The following GNAO1 variants were observed in gnomAD, a reference collection of about 807,000 sequenced individuals.
GNAO1 encodes guanine nucleotide-binding protein G(o) subunit alpha.
For synonymous variants in GNAO1, 164 were observed against 180.7 expected (o/e 0.91, Z 0.74); for missense variants, 166 against 478.7 (o/e 0.35, Z 6.10).
At chr16:56,272,833 A>C (rs1159061545) in intron 2 of GNAO1, among the ~76,000 whole-genome samples, 1 of 152,216 alleles carries the variant, frequency 6.6e-6, no homozygotes, top group African/African-American at 2.4e-5. Context: ...CCATAGGTCT[A>C]GAGAACATTC....
intron 3 of GNAO1, among the ~76,000 whole-genome samples, chr16:56,305,032 G>A (rs986494228): frequency 6.6e-6 from 1 of 152,190 alleles, no homozygotes; most frequent in African/African-American, 2.4e-5. Flanking sequence ...TGGCTGGTAT[G>A]CCCCACAGCC....
chr16:56,336,910 G>T (rs770019378), intron 6 of GNAO1, 50 bp downstream of exon 6: 2 of 1,555,070 alleles, frequency 1.3e-6, no homozygotes, highest in Non-Finnish European at 1.7e-6. Context: ...GGAGACGGCC[G>T]CAGGATAGGC....
chr16:56,209,726 G>A (rs1352748251), intron 2 of GNAO1, among the ~76,000 whole-genome samples: 1 of 151,978 alleles, frequency 6.6e-6, no homozygotes, highest in African/African-American at 2.4e-5. Context: ...CAATGGTCTT[G>A]TAATTGCTTC....
intron 2 of GNAO1, among the ~76,000 whole-genome samples, chr16:56,212,204 A>G (rs554640234): frequency 1.3e-5 from 2 of 152,352 alleles, no homozygotes; most frequent in South Asian, 4.1e-4. Flanking sequence ...ACTTGGAGGG[A>G]CATTTACAAA....
At chr16:56,226,926 C>G (rs1468714404) in intron 2 of GNAO1, among the ~76,000 whole-genome samples, 4 of 152,204 alleles carry the variant, frequency 2.6e-5, no homozygotes, top group African/African-American at 9.7e-5. Context: ...CTTGATGCTA[C>G]ATTTTTGGGA....
intron 4 of GNAO1, among the ~76,000 whole-genome samples, chr16:56,334,099 C>T (rs1023521654): frequency 5.3e-5 from 8 of 152,230 alleles, no homozygotes; most frequent in Non-Finnish European, 7.3e-5. Context: ...TTCCAAAGAC[C>T]GGGTCCCAGG....
chr16:56,245,658 GA>G (rs1453438880), intron 2 of GNAO1: 2 of 154,746 alleles, frequency 1.3e-5, no homozygotes, highest in Non-Finnish European at 2.9e-5. Flanking sequence ...TGAATAGAAA[GA>G]GAGCAATTCT....
At chr16:56,286,506 G>T (rs1169686448) in intron 3 of GNAO1, among the ~76,000 whole-genome samples, 1 of 152,146 alleles carries the variant, frequency 6.6e-6, no homozygotes, top group Non-Finnish European at 1.5e-5. Context: ...CTGCCGCACT[G>T]TGTGGTTTTC....
At chr16:56,205,922 A>G (rs530041245) in intron 2 of GNAO1, among the ~76,000 whole-genome samples, 4 of 152,294 alleles carry the variant, frequency 2.6e-5, no homozygotes, top group African/African-American at 9.6e-5. Context: ...AGATCTGAGG[A>G]AGAGGGAACA....
intron 2 of GNAO1, among the ~76,000 whole-genome samples, chr16:56,229,732 A>G (rs1009674187): frequency 5.9e-5 from 9 of 152,236 alleles, no homozygotes; most frequent in Non-Finnish European, 1.2e-4. Context: ...TTAAAAAACA[A>G]AACAAAAATG....
chr16:56,235,044 C>CA (rs2036624228), intron 2 of GNAO1: 2 of 313,178 alleles, frequency 6.4e-6, no homozygotes, highest in Non-Finnish European at 1.3e-5. Flanking sequence ...GGTGCTGCGG[C>CA]ACTTGAGTTC....
intron 2 of GNAO1, among the ~76,000 whole-genome samples, chr16:56,196,563 C>G (rs2036235407): frequency 6.6e-6 from 1 of 152,170 alleles, no homozygotes; most frequent in African/African-American, 2.4e-5. Flanking sequence ...GACCATGTAC[C>G]TGGTGAAAAT....
intron 3 of GNAO1, among the ~76,000 whole-genome samples, chr16:56,309,388 G>A (rs1419088838): frequency 6.6e-6 from 1 of 152,168 alleles, no homozygotes; most frequent in African/African-American, 2.4e-5. Flanking sequence ...CATGTTGCCA[G>A]CTCTCCCACC....
chr16:56,266,881 TAAAC>T (rs1330929873), intron 2 of GNAO1, among the ~76,000 whole-genome samples: 1 of 152,100 alleles, frequency 6.6e-6, no homozygotes, highest in Non-Finnish European at 1.5e-5. Flanking sequence ...AGGGAATGAA[TAAAC>T]AAAGGAAAGA....
chr16:56,343,989 C>G, intron 6 of GNAO1: 1 of 1,603,394 alleles, frequency 6.2e-7, no homozygotes, highest in Non-Finnish European at 8.5e-7. Context: ...CCTGCCTGGC[C>G]TGCCGCCCCC....
intron 3 of GNAO1, chr16:56,300,673 TG>T (rs1413505214): frequency 1.3e-5 from 2 of 152,228 alleles, no homozygotes; most frequent in Non-Finnish European, 2.9e-5. Flanking sequence ...ATCTTTAAAA[TG>T]GGTTGATTCT....
intron 3 of GNAO1, among the ~76,000 whole-genome samples, chr16:56,327,733 A>G (rs1338585051): frequency 6.6e-6 from 1 of 152,132 alleles, no homozygotes; most frequent in African/African-American, 2.4e-5. Context: ...CTTTTTCTGT[A>G]ATTTCAAGAA....
intron 2 of GNAO1, among the ~76,000 whole-genome samples, chr16:56,219,008 C>G (rs2036460652): frequency 6.6e-6 from 1 of 152,164 alleles, no homozygotes; most frequent in African/African-American, 2.4e-5. Flanking sequence ...GGAATATGCT[C>G]AGTTGGAGCT....
intron 6 of GNAO1, chr16:56,344,517 A>G: frequency 4.0e-6 from 4 of 988,570 alleles, no homozygotes; most frequent in South Asian, 4.7e-5. Context: ...CCTGGGTCTC[A>G]GCCCTTCCTT....
Sources: gnomAD v4.1 joint callset for allele counts (sites outside exome capture counted in the v4.1 genomes callset) on GRCh38, gnomAD v4.1.1 for gene constraint, MANE v1.5 for transcripts, NCBI Gene and HGNC (gene_info 2026-07-23, HGNC 2026-07-21) for gene names.